Variants in ULK4 observed in about 807,000 individuals in gnomAD.
The protein encoded by ULK4 is unc-51 like kinase 4, also known as inactive serine/threonine-protein kinase ULK4.
ULK4 carries 133 observed loss-of-function variants against 160.6 expected under a neutral mutation model. The ratio of observed to expected loss-of-function variants is 0.83; its 90% confidence interval spans 0.72 to 0.96. The LOEUF (loss-of-function observed/expected upper bound fraction) is 0.96. Among genes scored for constraint, ULK4 ranks in the 40% least tolerant of loss-of-function variants. The probability of loss-of-function intolerance (pLI) is 0.00; values close to 1 mark genes in which losing one functional copy is unlikely to be tolerated. For missense variants in ULK4, 1,580 were observed against 1,499.5 expected (o/e 1.05, Z -0.89); for synonymous variants, 534 against 539.8 (o/e 0.99, Z 0.15).
intron 35 of ULK4, among the ~76,000 whole-genome samples, chr3:41,283,792 AC>A (rs1173018407): frequency 6.6e-6 from 1 of 151,650 alleles, no homozygotes; most frequent in Non-Finnish European, 1.5e-5. Flanking sequence ...AAACAAACAA[AC>A]AGACAAAAAA....
chr3:41,844,735 T>TCAGCCGAGATTGCGCCAC (rs1220695129), intron 17 of ULK4, among the ~76,000 whole-genome samples: 1 of 150,736 alleles, frequency 6.6e-6, no homozygotes, highest in Non-Finnish European at 1.5e-5. Context: ...TCTCAATACG[T>TCAGCCGAGATTGCGCCAC]TGCTGGTGAG....
intron 35 of ULK4, among the ~76,000 whole-genome samples, chr3:41,374,552 A>C (rs898169694): frequency 2.0e-4 from 31 of 152,234 alleles, no homozygotes; most frequent in African/African-American, 7.2e-4. Context: ...GATTATCTCA[A>C]TAGATGCAGA....
rs1401340273 is a variant in ULK4, at chr3:41,542,354, C to T, written c.3226+23671G>A. Reference sequence around the variant, plus strand: ...TATTGATTTGTGTATGTTGAACCAGCCTTGCATCCCAGGGATGAAGCCAAC... The same window carrying T: ...TATTGATTTGTGTATGTTGAACCAGTCTTGCATCCCAGGGATGAAGCCAAC... On this transcript the variant is annotated intron_variant, in intron 32 of 36. Coordinates refer to ENST00000301831, the MANE Select transcript of ULK4 (RefSeq NM_017886.4). Among the ~76,000 whole-genome samples, 11 of 152,126 alleles carry T rather than the reference C, an allele frequency of 7.2e-5. 1 individual carries two copies. In the South Asian group the frequency reaches 2.3e-3, roughly 32 times the overall value.
In ULK4 at chr3:41,461,742, G is replaced by T. The variant is rs191792024; in HGVS notation, c.3393+1345C>A. 2.6e-5 allele frequency among the ~76,000 whole-genome samples: 4 copies of T among 152,212 alleles called. No homozygotes were observed. In the East Asian group the frequency reaches 7.7e-4, roughly 29 times the overall value. ...AAAAAAGAATTTCTATTATCCTGAA[G>T]ATTTTTAACTTCTGATCCTTTTTCT... is the stretch of plus-strand genomic sequence containing the variant. On this transcript the variant is annotated intron_variant, in intron 33 of 36. Transcript: ENST00000301831.
chr3:41,674,562 G>C (rs2125779889), intron 29 of ULK4, among the ~76,000 whole-genome samples: 1 of 152,286 alleles, frequency 6.6e-6, no homozygotes, highest in Admixed American at 6.5e-5. Flanking sequence ...CAACTACCTT[G>C]AAGAAAGGAG....
intron 33 of ULK4, among the ~76,000 whole-genome samples, chr3:41,457,702 C>G (rs2083586982): frequency 6.6e-6 from 1 of 152,174 alleles, no homozygotes; most frequent in South Asian, 2.1e-4. Context: ...CTGGATTTGC[C>G]ACCCTTTGTG....
intron 19 of ULK4, among the ~76,000 whole-genome samples, chr3:41,806,420 C>T (rs1182266661): frequency 6.6e-6 from 1 of 152,022 alleles, no homozygotes; most frequent in Non-Finnish European, 1.5e-5. Context: ...TTTTGTTGAT[C>T]CTTTCAAAAA....
intron 17 of ULK4, among the ~76,000 whole-genome samples, chr3:41,838,549 T>C (rs182901992): frequency 2.9e-4 from 44 of 151,928 alleles, no homozygotes; most frequent in African/African-American, 1.0e-3. Context: ...AAAAAAAATG[T>C]TCAGTAAACC....
chr3:41,880,336 T>C (rs1697470465), intron 17 of ULK4, among the ~76,000 whole-genome samples: 1 of 152,182 alleles, frequency 6.6e-6, no homozygotes, highest in Admixed American at 6.5e-5. Context: ...AAGATACAGA[T>C]GTCAATAAAT....
intron 35 of ULK4, among the ~76,000 whole-genome samples, chr3:41,330,244 A>T (rs144369292): frequency 6.6e-6 from 1 of 152,208 alleles, no homozygotes; most frequent in Non-Finnish European, 1.5e-5. Context: ...CTCCTCTCCC[A>T]AGCTTCTGGA....
chr3:41,702,816 G>A (rs570041490), intron 27 of ULK4, among the ~76,000 whole-genome samples: 2 of 151,392 alleles, frequency 1.3e-5, no homozygotes, highest in South Asian at 2.1e-4. Context: ...AGAAAAAGCA[G>A]GCCAAAATTA....
chr3:41,797,632 G>A (rs1213231898), intron 20 of ULK4, among the ~76,000 whole-genome samples: 1 of 152,138 alleles, frequency 6.6e-6, no homozygotes, highest in East Asian at 1.9e-4. Flanking sequence ...GGCTGAGGTG[G>A]GTGGATCACC....
chr3:41,442,189 T>C (rs1035491214), intron 34 of ULK4, among the ~76,000 whole-genome samples: 1 of 152,094 alleles, frequency 6.6e-6, no homozygotes, highest in Non-Finnish European at 1.5e-5. Context: ...ACTGATTTAT[T>C]AGAGAGAGAG....
chr3:41,278,305 C>T (rs1236770325), intron 35 of ULK4, among the ~76,000 whole-genome samples: 1 of 152,222 alleles, frequency 6.6e-6, no homozygotes, highest in Non-Finnish European at 1.5e-5. Flanking sequence ...GCGAACTGGG[C>T]AGAGCCCACT....
At chr3:41,465,621 C>T (rs1392156541) in intron 32 of ULK4, among the ~76,000 whole-genome samples, 1 of 152,072 alleles carries the variant, frequency 6.6e-6, no homozygotes, top group Non-Finnish European at 1.5e-5. Context: ...TAAATTAGAA[C>T]AGTTTTCTTG....
At position 41,896,813 on chromosome 3, in the gene ULK4, C is replaced by A. The variant is rs1176120870; in HGVS notation, c.1530+9G>T. On this transcript the variant is annotated intron_variant, in intron 15 of 36. Transcript: ENST00000301831. ...ATTAAAATGCATAAGGCATGTCACA[C>A]AGGCTTACCAGGGGGGAATGGAGGA... is the stretch of plus-strand genomic sequence containing the variant. The A allele has an allele frequency of 2.5e-6, 4 of 1,605,480 alleles. No individual in the cohort carries two copies. The highest frequency in any genetic ancestry group is 3.4e-6 in the Non-Finnish European group (4 of 1,176,850).
chr3:41,899,106 G>A (rs1183844250), intron 13 of ULK4: 5 of 152,276 alleles, frequency 3.3e-5, no homozygotes, highest in Non-Finnish European at 7.3e-5. Flanking sequence ...ATGGTTAATG[G>A]TTATATCAGA....
intron 19 of ULK4, among the ~76,000 whole-genome samples, chr3:41,810,436 C>T (rs1340965473): frequency 6.6e-6 from 1 of 152,100 alleles, no homozygotes; most frequent in Non-Finnish European, 1.5e-5. Flanking sequence ...GATTTTATTG[C>T]CTTTACTCCT....
At chr3:41,838,612 A>G (rs2041827419) in intron 17 of ULK4, among the ~76,000 whole-genome samples, 1 of 152,244 alleles carries the variant, frequency 6.6e-6, no homozygotes, top group Non-Finnish European at 1.5e-5. Flanking sequence ...GAACAAACAG[A>G]AAACAAAAAT....
Sources: allele counts gnomAD v4.1 joint callset (sites outside exome capture counted in the v4.1 genomes callset), GRCh38; gene constraint gnomAD v4.1.1; transcripts MANE v1.5; gene names NCBI Gene and HGNC (gene_info 2026-07-23, HGNC 2026-07-21).